Variants in DIS3 observed in about 807,000 individuals in gnomAD.
The protein encoded by DIS3 is exosome complex exonuclease RRP44.
Under a neutral mutation model 113.0 loss-of-function variants are expected in DIS3, and 103 were observed. That is an observed-to-expected ratio of 0.91 (90% confidence interval 0.78 to 1.07). The LOEUF (loss-of-function observed/expected upper bound fraction) is 1.07. Among genes scored for constraint, DIS3 ranks in the 50% least tolerant of loss-of-function variants. The pLI is 0.00. For missense variants in DIS3, 1,121 were observed against 1,167.1 expected, an observed-to-expected ratio of 0.96 and a Z score of 0.58; for synonymous variants, 402 against 394.3, an observed-to-expected ratio of 1.02 and a Z score of -0.23.
chr13:72,753,679 T>A lies in DIS3; in HGVS notation c.*6116A>T. On this transcript the variant is annotated 3_prime_UTR_variant, in exon 21 of 21. Transcript: ENST00000377767. ...CCTCACAATATATTTTTTTCTTTTT[T>A]CTCCTGTCAGATGGATAGTGGCTAT... The A allele has an allele frequency of 6.2e-7, 1 of 1,600,328 alleles. No homozygotes were observed. Among genetic ancestry groups the A allele is most frequent in the Non-Finnish European group, 8.5e-7 (1 of 1,175,264 alleles).
At chr13:72,771,507 C>A (rs969563224) in intron 11 of DIS3, among the ~76,000 whole-genome samples, 2 of 151,900 alleles carry the variant, frequency 1.3e-5, no homozygotes, top group African/African-American at 2.4e-5. Flanking sequence ...TTAATATAAA[C>A]TACAAGGTGT....
In DIS3 at chr13:72,768,866, T is replaced by C. The variant is rs754896182; in HGVS notation, c.1802A>G (p.Asn601Ser). 1 of 1,605,878 alleles carries C rather than the reference T, an allele frequency of 6.2e-7. No individual in the cohort carries two copies. The highest frequency in any genetic ancestry group is 2.2e-5 in the East Asian group (1 of 44,716). ...AEAQLRIDSA[N>S]MNDDITTSLR... Reference sequence around the variant, plus strand: ...ACTAGTGGTAATATCATCATTCATGTTTGCTGAATCAATTCTCAACTGAGC... The same window carrying C: ...ACTAGTGGTAATATCATCATTCATGCTTGCTGAATCAATTCTCAACTGAGC... Residue 601 changes from asparagine (N) to serine (S), a missense_variant, in exon 14 of 21, where the codon AAC becomes AGC. This residue lies in a region of DIS3 where 861 missense variants were observed against 915.5 expected (regional missense o/e 0.94). Transcript: ENST00000377767.
intron 13 of DIS3, 27 bp downstream of exon 13, chr13:72,770,877 T>C (rs1255228359): frequency 6.6e-7 from 1 of 1,506,924 alleles, no homozygotes; most frequent in South Asian, 1.3e-5. Context: ...AGTTTAAAAA[T>C]TAGAGATTAA....
rs1462829817 is a variant in DIS3 at position 72,780,912 on chromosome 13, T to G, written c.320A>C (p.Lys107Thr). The change falls in exon 2 of 21, where the codon AAA (lysine) becomes ACA (threonine). Residue 107 changes from lysine to threonine, a missense_variant. Coordinates refer to ENST00000377767, the MANE Select transcript of DIS3 (RefSeq NM_014953.5). The part of the protein sequence containing the change: ...EVRNRSAPVY[K>T]RIRDVTNNQE... ...GTTATTAGTCACATCTCGGATGCGT[T>G]TATATACGGGGGCACTGCGATTTCT... The G allele has an allele frequency of 1.2e-6, 2 of 1,613,488 alleles. 1 individual carries two copies. The highest frequency in any genetic ancestry group is 1.7e-6 in the Non-Finnish European group (2 of 1,179,860).
intron 7 of DIS3, 52 bp from the exon 8 acceptor site, chr13:72,773,873 G>A (rs959022397): frequency 6.9e-6 from 11 of 1,595,714 alleles, no homozygotes; most frequent in African/African-American, 2.7e-5. Flanking sequence ...TGAGGATGGA[G>A]GCAAAAGAAA....
chr13:72,776,039 C>T lies in DIS3; in HGVS notation c.708G>A (p.Lys236=), dbSNP rs374797395. The T allele has an allele frequency of 2.7e-5, 43 of 1,607,074 alleles. No homozygotes were observed. In the East Asian group the frequency reaches 3.1e-4, roughly 12 times the overall value. Residue 236 remains lysine (K), a synonymous_variant, in exon 5 of 21, where the codon AAG becomes AAA. Coordinates refer to ENST00000377767, the MANE Select transcript of DIS3 (RefSeq NM_014953.5). ...TACCAGATTTTATGCCTTGCTGTAGCTTACTTAAGGGAAGATGCTCTGAAA... is the reference window on the plus strand; with the variant it reads ...TACCAGATTTTATGCCTTGCTGTAGTTTACTTAAGGGAAGATGCTCTGAAA... ...IIFSEHLPLS[K]LQQGIKSGTY...
intron 14 of DIS3, among the ~76,000 whole-genome samples, chr13:72,768,228 T>C (rs949229080): frequency 3.3e-5 from 5 of 152,178 alleles, no homozygotes; most frequent in Admixed American, 6.5e-5. Flanking sequence ...CCAGAAATCT[T>C]AGGGTGTTCT....
rs774993507 is a variant in DIS3, at chr13:72,761,752, G to A, written c.2405C>T (p.Pro802Leu). The change falls in exon 18 of 21, where the codon CCA becomes CTA. Residue 802 changes from proline to leucine, a missense_variant. Transcript: ENST00000377767. ...AVAIGADCTY[P>L]ELTDKHKLAD... is the part of the protein sequence containing the mutation. ...AAGCTTGTGTTTGTCTGTCAACTCTGGATAAGTACAGTCAGCCCCAATAGC... is the reference window on the plus strand; with the variant it reads ...AAGCTTGTGTTTGTCTGTCAACTCTAGATAAGTACAGTCAGCCCCAATAGC... The A allele has an allele frequency of 6.2e-7, 1 of 1,613,760 alleles. No individual in the cohort carries two copies. The highest frequency in any genetic ancestry group is 8.5e-7 in the Non-Finnish European group (1 of 1,179,962).
In DIS3 at chr13:72,771,136, T is replaced by A. The variant is rs199829244; in HGVS notation, c.1615A>T (p.Met539Leu). The change falls in exon 12 of 21, where the codon ATG becomes TTG. Residue 539 changes from methionine to leucine, a missense_variant. Physicochemically the swap from Met to Leu is conservative, Grantham distance 15 (BLOSUM62 2). Coordinates refer to ENST00000377767, the MANE Select transcript of DIS3 (RefSeq NM_014953.5). ...TVYLCEKRID[M>L]VPELLSSNLC... is the part of the protein sequence containing the mutation. ...TTAGAGCTAAGCAACTCTGGAACCA[T>A]GTCAATCCTCTGCAAAAGATAAAAA... is the stretch of plus-strand genomic sequence containing the variant. 6.2e-7 allele frequency: 1 copy of A among 1,613,448 alleles called. No homozygotes were observed. Among genetic ancestry groups the A allele is most frequent in the Non-Finnish European group, 8.5e-7 (1 of 1,179,604 alleles).
In DIS3 at chr13:72,772,162, C is replaced by G; in HGVS notation, c.1500G>C (p.Leu500Phe). Residue 500 changes from leucine (L) to phenylalanine (F), a missense_variant, in exon 10 of 21, where the codon TTG becomes TTC. Physicochemically the swap from Leu to Phe is conservative, Grantham distance 22. Transcript: ENST00000377767. ...GAACACTATTACATATGAATACCTC[C>G]AAATTTCCATTTTCGAGTTCTCGAC... Reference protein sequence around the residue: ...LHCRELENGNLEVGVHIADVS... With the variant: ...LHCRELENGNFEVGVHIADVS... 6.2e-7 allele frequency: 1 copy of G among 1,610,616 alleles called. No individual in the cohort carries two copies. The highest frequency in any genetic ancestry group is 8.5e-7 in the Non-Finnish European group (1 of 1,178,652).
intron 8 of DIS3, 90 bp downstream of exon 8, chr13:72,773,594 T>C: frequency 7.2e-7 from 1 of 1,393,510 alleles, no homozygotes; most frequent in Non-Finnish European, 9.7e-7. Flanking sequence ...AAATTCTACA[T>C]AAAAGTAGAT....
chr13:72,772,133 G>GT, intron 10 of DIS3, 26 bp downstream of exon 10: 1 of 1,554,536 alleles, frequency 6.4e-7, no homozygotes, highest in South Asian at 1.1e-5. Context: ...CTATATTTAG[G>GT]TAAGAACACT....
At position 72,757,619 on chromosome 13, in the gene DIS3, G is replaced by A. The variant is rs574802043; in HGVS notation, c.*2176C>T. 5.4e-5 allele frequency: 9 copies of A among 168,072 alleles called. No individual in the cohort carries two copies. Among genetic ancestry groups the A allele is most frequent in the East Asian group, 4.7e-4 (4 of 8,576 alleles). The allele number at this position is 168,072 out of a possible 1,614,324, so 10.4% of individuals were successfully genotyped here. A position where few individuals can be genotyped will look rare whatever the true frequency, so the allele number is the denominator to read the frequency against. ...TTTTTGTATTTTTAGTAGAGACGGC[G>A]TTTTACCATGTTGGCCAGGCTGGTC... On this transcript the variant is annotated 3_prime_UTR_variant, in exon 21 of 21. Coordinates refer to ENST00000377767, the MANE Select transcript of DIS3 (RefSeq NM_014953.5).
rs941948136 is a variant in DIS3 at position 72,776,074 on chromosome 13, T to C, written c.673A>G (p.Lys225Glu). The change falls in exon 5 of 21, where the codon AAA becomes GAA. Residue 225 changes from lysine (K) to glutamate (E), a missense_variant. Physicochemically the swap from Lys to Glu is moderately conservative, Grantham distance 56. This residue lies in a region of DIS3 where 861 missense variants were observed against 915.5 expected (regional missense o/e 0.94). Coordinates refer to ENST00000377767, the MANE Select transcript of DIS3 (RefSeq NM_014953.5). ...SEEGNEIESG[K>E]IIFSEHLPLS... ...GGAAGATGCTCTGAAAATATTATTT[T>C]TCCACTTTCTATTTCATTCTATGAA... 3 of 1,596,080 alleles carry C rather than the reference T, an allele frequency of 1.9e-6. No individual in the cohort carries two copies. In the African/African-American group the frequency reaches 4.1e-5, roughly 22 times the overall value.
chr13:72,781,430 A>C, intron 1 of DIS3, 175 bp downstream of exon 1: 4 of 1,505,288 alleles, frequency 2.7e-6, no homozygotes, highest in Non-Finnish European at 3.6e-6. Flanking sequence ...AAATTTTTTA[A>C]AGCACAAGGA....
rs1402033402 is a variant in DIS3 at position 72,778,378 on chromosome 13, T to G, written c.389A>C (p.Glu130Ala). 6.5e-7 allele frequency: 1 copy of G among 1,541,280 alleles called. No homozygotes were observed. The highest frequency in any genetic ancestry group is 1.4e-5 in the African/African-American group (1 of 73,268). The change falls in exon 3 of 21, where the codon GAA becomes GCA. Residue 130 changes from glutamate to alanine, a missense_variant and splice_region_variant. Physicochemically the swap from Glu to Ala is moderately radical, Grantham distance 107. Coordinates refer to ENST00000377767, the MANE Select transcript of DIS3 (RefSeq NM_014953.5). ...TCCCTGTTCTTGTTCTACATAGGTT[T>G]CTCTAAATGGAAAGAAAAAACGAAA... is the stretch of plus-strand genomic sequence containing the variant. ...FYTFTNEHHR[E>A]TYVEQEQGEN...
At chr13:72,762,217 C>G (rs2033644576) in intron 16 of DIS3, 80 bp from the exon 17 acceptor site, 2 of 1,212,352 alleles carry the variant, frequency 1.6e-6, no homozygotes, top group African/African-American at 3.1e-5. Flanking sequence ...TATAACTGAT[C>G]TGACTGAACA....
At position 72,771,810 on chromosome 13, in the gene DIS3, C is replaced by T. The variant is rs934680237; in HGVS notation, c.1590G>A (p.Val530=). 6 of 1,613,522 alleles carry T rather than the reference C, an allele frequency of 3.7e-6. No individual in the cohort carries two copies. The highest frequency in any genetic ancestry group is 5.1e-6 in the Non-Finnish European group (6 of 1,179,812). Residue 530 remains valine (V), a synonymous_variant, in exon 11 of 21, where the codon GTG becomes GTA. Coordinates refer to ENST00000377767, the MANE Select transcript of DIS3 (RefSeq NM_014953.5). ...ATACATTTACCTTTTCACAAAGATACACAGTTGTTCCTCTTCTGGCTGATT... is the reference window on the plus strand; with the variant it reads ...ATACATTTACCTTTTCACAAAGATATACAGTTGTTCCTCTTCTGGCTGATT... ...DQESARRGTT[V]YLCEKRIDMV...
chr13:72,781,421 A>C, intron 1 of DIS3, 184 bp downstream of exon 1: 1 of 1,516,442 alleles, frequency 6.6e-7, no homozygotes, highest in Non-Finnish European at 8.8e-7. Flanking sequence ...CCAAGAACTA[A>C]ATTTTTTAAA....
Sources: gnomAD v4.1 joint callset for allele counts (sites outside exome capture counted in the v4.1 genomes callset) on GRCh38, gnomAD v4.1.1 for gene constraint, gnomAD v4.1.1 regional missense constraint, MANE v1.5 for transcripts, NCBI Gene and HGNC (gene_info 2026-07-23, HGNC 2026-07-21) for gene names.